Variants in DUXA observed in about 807,000 individuals in gnomAD.
The protein encoded by DUXA is double homeobox A.
In DUXA, 25 loss-of-function variants were observed where a neutral mutation model predicts 27.5. The observed-to-expected ratio is 0.91, with a 90% CI of 0.66 to 1.27. The LOEUF is 1.27. Among genes scored for constraint, DUXA ranks in the 50% most tolerant of loss-of-function variants. The pLI, the probability that DUXA is intolerant of heterozygous loss-of-function variation, is 0.00. For missense variants in DUXA, 247 were observed against 242.9 expected, an observed-to-expected ratio of 1.02 and a Z score of -0.11; for synonymous variants, 90 against 80.5, an observed-to-expected ratio of 1.12 and a Z score of -0.63.
chr19:57,167,165 C>T (rs920946134), intron 1 of DUXA, among the ~76,000 whole-genome samples: 2 of 152,164 alleles, frequency 1.3e-5, no homozygotes, highest in African/African-American at 4.8e-5. Flanking sequence ...CCTTCCTCCT[C>T]TCTTCCTTCC....
chr19:57,156,559 A>C (rs1299438698), intron 4 of DUXA, among the ~76,000 whole-genome samples: 3 of 151,884 alleles, frequency 2.0e-5, no homozygotes, highest in Non-Finnish European at 4.4e-5. Context: ...GTGCCAGCAC[A>C]CCCAGCTAAC....
chr19:57,161,414 G>C (rs1042585436), intron 1 of DUXA, among the ~76,000 whole-genome samples: 1 of 149,030 alleles, frequency 6.7e-6, no homozygotes, highest in South Asian at 2.1e-4. Context: ...ACAAGGTCAG[G>C]AGATCGAGAC....
intron 1 of DUXA, among the ~76,000 whole-genome samples, chr19:57,164,359 T>C (rs1036087850): frequency 3.8e-4 from 58 of 152,254 alleles, no homozygotes; most frequent in Middle Eastern, 3.4e-3. Context: ...GCAGATCACC[T>C]GAGGTCAGGA....
chr19:57,158,171 G>C (rs1433592612), intron 4 of DUXA, among the ~76,000 whole-genome samples, 157 bp downstream of exon 4: 1 of 152,174 alleles, frequency 6.6e-6, no homozygotes, highest in Non-Finnish European at 1.5e-5. Flanking sequence ...ATTGAGTCCT[G>C]TGGGCACCTG....
At chr19:57,159,675 A>G (rs759177356) in intron 2 of DUXA, among the ~76,000 whole-genome samples, 7 of 151,770 alleles carry the variant, frequency 4.6e-5, no homozygotes, top group Non-Finnish European at 8.8e-5. Flanking sequence ...GGCTTCCCAA[A>G]GTGCTGGGAT....
intron 1 of DUXA, among the ~76,000 whole-genome samples, chr19:57,166,218 C>G (rs144438604): frequency 3.8e-3 from 583 of 152,264 alleles, no homozygotes; most frequent in African/African-American, 0.013. Context: ...ACAGACCATA[C>G]CAAGCGCCAC....
chr19:57,154,086 CTG>C lies in DUXA; in HGVS notation c.*324_*325del, dbSNP rs2086978060. ...AGGTCTTCTGAACTCTGGATCTAGGCTGTGTCAACAGGGTAGTGTGGTACCCC... is the reference window on the plus strand; with the variant it reads ...AGGTCTTCTGAACTCTGGATCTAGGCTGTCAACAGGGTAGTGTGGTACCCC... On this transcript the variant is annotated 3_prime_UTR_variant, in exon 6 of 6. Coordinates refer to ENST00000554048, the MANE Select transcript of DUXA (RefSeq NM_001012729.2). The C allele has an allele frequency of 5.0e-6, 1 of 198,528 alleles. No individual in the cohort carries two copies. The highest frequency in any genetic ancestry group is 2.3e-5 in the African/African-American group (1 of 42,772). The allele number at this position is 198,528 out of a possible 1,614,324, so 12.3% of individuals were successfully genotyped here.
At chr19:57,166,968 C>T (rs34945782) in intron 1 of DUXA, among the ~76,000 whole-genome samples, 36,436 of 151,984 alleles carry the variant, frequency 0.24, 4,522 homozygotes, top group South Asian at 0.27. Flanking sequence ...TAGAGACAAG[C>T]AGGCAATTAG....
intron 1 of DUXA, among the ~76,000 whole-genome samples, chr19:57,164,446 A>C (rs898000271): frequency 1.3e-5 from 2 of 152,124 alleles, no homozygotes; most frequent in African/African-American, 2.4e-5. Context: ...ATGGTGGTGC[A>C]TACCTGTAAT....
intron 1 of DUXA, among the ~76,000 whole-genome samples, chr19:57,163,183 T>G (rs1279065643): frequency 6.6e-6 from 1 of 152,134 alleles, no homozygotes; most frequent in African/African-American, 2.4e-5. Flanking sequence ...CTTCACACGA[T>G]GATGGATGAG....
rs751250269 is a variant in DUXA at position 57,158,417 on chromosome 19, T to TGA, written c.347_348dup (p.Ile117SerfsTer6). The TGA allele has an allele frequency of 6.2e-7, 1 of 1,612,480 alleles. No individual in the cohort carries two copies. Among genetic ancestry groups the TGA allele is most frequent in the East Asian group, 2.2e-5 (1 of 44,870 alleles). ...TATGGGTTTTTCATAAATGCCTTGA[T>TGA]GAGAGTGTGTAACTGAGAGGCGCTG... On this transcript the variant is annotated frameshift_variant, in exon 4 of 6. Transcript: ENST00000554048. LOFTEE classifies it high-confidence loss of function.
At chr19:57,166,900 T>A (rs1373695653) in intron 1 of DUXA, among the ~76,000 whole-genome samples, 1 of 152,120 alleles carries the variant, frequency 6.6e-6, no homozygotes, top group Non-Finnish European at 1.5e-5. Context: ...CGAGGAATAG[T>A]TTAGATATGA....
intron 1 of DUXA, among the ~76,000 whole-genome samples, chr19:57,162,654 A>G (rs1424498627): frequency 1.3e-5 from 2 of 152,038 alleles, no homozygotes; most frequent in Non-Finnish European, 2.9e-5. Context: ...GGCTCACTGC[A>G]ACCTCCACCT....
chr19:57,154,243 C>T lies in DUXA; in HGVS notation c.*169G>A, dbSNP rs2122685715. 3 of 582,050 alleles carry T rather than the reference C, an allele frequency of 5.2e-6. No individual in the cohort carries two copies. The highest frequency in any genetic ancestry group is 6.3e-5 in the East Asian group (2 of 31,570). The allele number at this position is 582,050 out of a possible 1,614,324, so 36.1% of individuals were successfully genotyped here. On this transcript the variant is annotated 3_prime_UTR_variant, in exon 6 of 6. Transcript: ENST00000554048. ...GCTCAAGCAATCTTCCTGCCTTGGC[C>T]TCCCAAAGTAGTGGGATTACAAGTG...
chr19:57,166,553 C>G (rs1273428443), intron 1 of DUXA, among the ~76,000 whole-genome samples: 2 of 152,162 alleles, frequency 1.3e-5, no homozygotes, highest in Non-Finnish European at 2.9e-5. Context: ...CGTGATCTGC[C>G]CACCGCGGCC....
chr19:57,158,219 A>T lies in DUXA; in HGVS notation c.438+109T>A. On this transcript the variant is annotated intron_variant, in intron 4 of 5. Coordinates refer to ENST00000554048, the MANE Select transcript of DUXA (RefSeq NM_001012729.2). ...AGCAGACAGGGAACAGCTGTGAAAG[A>T]CCCTGAAATGTGCCCAGCATGATGA... The T allele has an allele frequency of 2.3e-6, 3 of 1,298,682 alleles. No homozygotes were observed. The Admixed American group carries it at 5.6e-5, about 24-fold the overall frequency. 80.4% of individuals were successfully genotyped at this position (1,298,682 alleles called of 1,614,324 possible).
chr19:57,156,906 T>C (rs2086995692), intron 4 of DUXA, among the ~76,000 whole-genome samples: 1 of 152,124 alleles, frequency 6.6e-6, no homozygotes, highest in Admixed American at 6.6e-5. Context: ...CCTCAGGTGA[T>C]CCACCCGCCT....
intron 5 of DUXA, 149 bp from the exon 6 acceptor site, chr19:57,154,631 T>G (rs2086982209): frequency 1.8e-6 from 1 of 561,034 alleles, no homozygotes; most frequent in Non-Finnish European, 3.0e-6. Flanking sequence ...TGGCGCGATC[T>G]CGGCTCACTG....
At chr19:57,159,020 G>A (rs537403670) in intron 3 of DUXA, 147 bp downstream of exon 3, 1 of 625,192 alleles carries the variant, frequency 1.6e-6, no homozygotes, top group African/African-American at 1.8e-5. Context: ...GAGGGCAGGG[G>A]AGAACTTCTA....
Sources: allele counts gnomAD v4.1 joint callset (sites outside exome capture counted in the v4.1 genomes callset), GRCh38; gene constraint gnomAD v4.1.1; transcripts MANE v1.5; gene names NCBI Gene and HGNC (gene_info 2026-07-23, HGNC 2026-07-21).